SLC2A9: variants seen among roughly 807,000 people sequenced by gnomAD.
The protein encoded by SLC2A9 is solute carrier family 2 member 9.
Under a neutral mutation model 50.6 loss-of-function variants are expected in SLC2A9, and 39 were observed. The ratio of observed to expected loss-of-function variants is 0.77; its 90% confidence interval spans 0.60 to 1.01. SLC2A9 has a LOEUF of 1.01. Ranked by LOEUF, SLC2A9 falls within the 50% of genes least tolerant of loss-of-function variation. The pLI is 0.00. For synonymous variants in SLC2A9, 324 were observed against 276.9 expected (o/e 1.17, Z -1.69); for missense variants, 686 against 677.6 (o/e 1.01, Z -0.14).
intron 4 of SLC2A9, among the ~76,000 whole-genome samples, chr4:9,982,451 C>G: frequency 6.8e-6 from 1 of 147,978 alleles, no homozygotes; most frequent in Middle Eastern, 3.2e-3. Flanking sequence ...GAAAAAGGGT[C>G]TAAAAGACAT....
Position 9,912,176 on chromosome 4 carries a change from A to G in SLC2A9, c.1003-3831T>C, listed in dbSNP as rs547150630. Reference sequence around the variant, plus strand: ...GAGCGGGGAGGGAGAGCATTAGGAGATATACCTAATGTTAAATGACAAGTT... The same window carrying G: ...GAGCGGGGAGGGAGAGCATTAGGAGGTATACCTAATGTTAAATGACAAGTT... On this transcript the variant is annotated intron_variant, in intron 7 of 11. Coordinates refer to ENST00000264784, the MANE Select transcript of SLC2A9 (RefSeq NM_020041.3). 2.0e-5 allele frequency among the ~76,000 whole-genome samples: 3 copies of G among 152,238 alleles called. No individual in the cohort carries two copies. The South Asian group carries it at 6.2e-4, about 32-fold the overall frequency.
chr4:9,781,671 CCT>C (rs1315631401), intron 3 of SLC2A9: 3 of 206,894 alleles, frequency 1.5e-5, no homozygotes, highest in African/African-American at 2.3e-5. Flanking sequence ...TGCCCCAGCC[CCT>C]CAGTGGCGGC....
intron 5 of SLC2A9, among the ~76,000 whole-genome samples, chr4:9,973,628 G>A (rs113533538): frequency 0.012 from 1,698 of 146,104 alleles, 15 homozygotes; most frequent in Middle Eastern, 0.038. Flanking sequence ...ACCAAACACC[G>A]CATGTTCTCA....
chr4:9,844,098 G>C (rs1248373729), intron 10 of SLC2A9, among the ~76,000 whole-genome samples: 1 of 147,080 alleles, frequency 6.8e-6, no homozygotes, highest in East Asian at 2.0e-4. Flanking sequence ...GCTCAGAGAG[G>C]GAAATGTATT....
At chr4:9,912,695 A>C (rs1435023203) in intron 7 of SLC2A9, among the ~76,000 whole-genome samples, 2 of 152,288 alleles carry the variant, frequency 1.3e-5, no homozygotes, top group Non-Finnish European at 2.9e-5. Context: ...GTATGGGTTT[A>C]ATTTATGCTT....
intron 8 of SLC2A9, among the ~76,000 whole-genome samples, chr4:9,896,287 T>C (rs1738548317): frequency 6.6e-6 from 1 of 152,240 alleles, no homozygotes; most frequent in African/African-American, 2.4e-5. Flanking sequence ...CATTTAAATT[T>C]TTGTCACCAT....
At chr4:9,781,575 G>C (rs1718374086) in intron 3 of SLC2A9, 1 of 156,740 alleles carries the variant, frequency 6.4e-6, no homozygotes, top group South Asian at 2.0e-4. Context: ...AGTCGAGCGC[G>C]GAGGCTCGGG....
intron 4 of SLC2A9, among the ~76,000 whole-genome samples, chr4:9,981,270 G>GTAGTAATGGTGATGATAGTGATGGTGA: frequency 4.4e-4 from 2 of 4,578 alleles, no homozygotes; most frequent in African/African-American, 7.5e-4. Flanking sequence ...GATGGTGATA[G>GTAGTAATGGTGATGATAGTGATGGTGA]TGGTGGTGGT....
chr4:9,851,787 C>G (rs1427335797), intron 10 of SLC2A9, among the ~76,000 whole-genome samples: 1 of 152,124 alleles, frequency 6.6e-6, no homozygotes, highest in South Asian at 2.1e-4. Context: ...ATCACAAGTA[C>G]TAGCAGCAGA....
chr4:9,920,840 C>T (rs1743805293), intron 6 of SLC2A9, among the ~76,000 whole-genome samples: 1 of 152,214 alleles, frequency 6.6e-6, no homozygotes, highest in South Asian at 2.1e-4. Context: ...GTCCGCAACG[C>T]AAGGCAGAGC....
chr4:10,032,838 A>G (rs1225153402), intron 1 of SLC2A9, among the ~76,000 whole-genome samples: 2 of 152,176 alleles, frequency 1.3e-5, no homozygotes, highest in Admixed American at 6.5e-5. Context: ...TTTGGCTTCA[A>G]TGGCATAGTG....
At chr4:9,935,188 G>A (rs1746844012) in intron 6 of SLC2A9, among the ~76,000 whole-genome samples, 1 of 152,158 alleles carries the variant, frequency 6.6e-6, no homozygotes, top group Non-Finnish European at 1.5e-5. Flanking sequence ...TGGGATTGCT[G>A]GGTCAAATCT....
chr4:9,950,446 A>C (rs1441647674), intron 5 of SLC2A9, among the ~76,000 whole-genome samples: 1 of 152,208 alleles, frequency 6.6e-6, no homozygotes, highest in Non-Finnish European at 1.5e-5. Context: ...CTATTTTTCA[A>C]AGGGTTTGGA....
At chr4:9,969,191 G>C (rs1369702993) in intron 5 of SLC2A9, among the ~76,000 whole-genome samples, 1 of 152,054 alleles carries the variant, frequency 6.6e-6, no homozygotes, top group African/African-American at 2.4e-5. Flanking sequence ...AATGCTAAGT[G>C]ATACTAGATC....
At chr4:9,914,278 C>T (rs1164673922) in intron 7 of SLC2A9, among the ~76,000 whole-genome samples, 1 of 152,194 alleles carries the variant, frequency 6.6e-6, no homozygotes, top group African/African-American at 2.4e-5. Context: ...CTACCGGCAG[C>T]TGCCAAGCAA....
At chr4:9,950,892 C>CAA (rs764863059) in intron 5 of SLC2A9, among the ~76,000 whole-genome samples, 7 of 11,554 alleles carry the variant, frequency 6.1e-4, no homozygotes, top group African/African-American at 9.3e-4. Flanking sequence ...GACTCCGTCT[C>CAA]AAAAAAAAAA....
chr4:9,991,784 G>T (rs1394213071), intron 3 of SLC2A9, among the ~76,000 whole-genome samples: 2 of 152,232 alleles, frequency 1.3e-5, no homozygotes. Context: ...CCATCTGCAA[G>T]CCATGGAGAG....
At chr4:9,889,780 A>C (rs967844876) in intron 9 of SLC2A9, among the ~76,000 whole-genome samples, 2 of 152,226 alleles carry the variant, frequency 1.3e-5, no homozygotes, top group African/African-American at 4.8e-5. Flanking sequence ...TTCCCATGGC[A>C]CCAAGATGAG....
At chr4:9,998,855 A>G (rs1312399064) in intron 2 of SLC2A9, among the ~76,000 whole-genome samples, 1 of 152,222 alleles carries the variant, frequency 6.6e-6, no homozygotes, top group Non-Finnish European at 1.5e-5. Context: ...CACACATGGG[A>G]AAACCTGGCA....
Sources: allele counts gnomAD v4.1 joint callset (sites outside exome capture counted in the v4.1 genomes callset), GRCh38; gene constraint gnomAD v4.1.1; transcripts MANE v1.5; gene names NCBI Gene and HGNC (gene_info 2026-07-23, HGNC 2026-07-21).